Variants in CSMD1 observed in about 807,000 individuals in gnomAD.
CSMD1 encodes CUB and sushi domain-containing protein 1.
In CSMD1, 213 loss-of-function variants were observed where a neutral mutation model predicts 417.5. That is an observed-to-expected ratio of 0.51 (90% CI 0.46 to 0.57). The LOEUF is 0.57. Ranked by LOEUF, CSMD1 falls within the 20% of genes least tolerant of loss-of-function variation. CSMD1 has a pLI of 0.00. For synonymous variants in CSMD1, 2,862 were observed against 1,736.8 expected (o/e 1.65, Z -16.11); for missense variants, 6,923 against 4,529.7 (o/e 1.53, Z -15.17).
intron 7 of CSMD1, among the ~76,000 whole-genome samples, chr8:3,636,091 T>C (rs1389359554): frequency 6.6e-6 from 1 of 152,214 alleles, no homozygotes; most frequent in Non-Finnish European, 1.5e-5. Flanking sequence ...TTTGTACTTT[T>C]TGAAGTTTTG....
rs140741443 is a variant in CSMD1, at chr8:3,429,444, G to A, written c.1562-19839C>T. ...GTGACCCAAGGGAAATGGAAGCCAT[G>A]TCCAAAGCAACACTTGTACACAGAT... On this transcript the variant is annotated intron_variant, in intron 12 of 69. Coordinates refer to ENST00000635120, the MANE Select transcript of CSMD1 (RefSeq NM_033225.6). 3.8e-4 allele frequency among the ~76,000 whole-genome samples: 58 copies of A among 152,286 alleles called. 1 individual carries two copies. Among genetic ancestry groups the A allele is most frequent in the Middle Eastern group, 3.4e-3 (1 of 294 alleles).
chr8:4,789,178 T>G (rs1393315192), intron 1 of CSMD1, among the ~76,000 whole-genome samples: 3 of 152,244 alleles, frequency 2.0e-5, no homozygotes, highest in Non-Finnish European at 4.4e-5. Context: ...ATGAATGCTT[T>G]GTGCTTAGAA....
At chr8:3,291,168 A>T (rs1341097916) in intron 25 of CSMD1, among the ~76,000 whole-genome samples, 1 of 152,214 alleles carries the variant, frequency 6.6e-6, no homozygotes, top group Non-Finnish European at 1.5e-5. Flanking sequence ...CATCCCAGGG[A>T]TGAAACCCAC....
intron 5 of CSMD1, among the ~76,000 whole-genome samples, chr8:3,989,336 T>C (rs1288229961): frequency 6.6e-6 from 1 of 152,206 alleles, no homozygotes; most frequent in East Asian, 1.9e-4. Context: ...GAATCAGTCA[T>C]CTTGGCTTAG....
intron 4 of CSMD1, among the ~76,000 whole-genome samples, chr8:4,027,250 G>C (rs1296941522): frequency 6.6e-6 from 1 of 152,180 alleles, no homozygotes; most frequent in Non-Finnish European, 1.5e-5. Flanking sequence ...TAGTTTGGCT[G>C]ATAAAAGAAA....
chr8:4,942,935 T>C (rs889012510), intron 1 of CSMD1, among the ~76,000 whole-genome samples: 1 of 152,182 alleles, frequency 6.6e-6, no homozygotes, highest in African/African-American at 2.4e-5. Flanking sequence ...AGGTTATAGA[T>C]GATGGGTGTG....
At position 4,080,106 on chromosome 8, in the gene CSMD1, C is replaced by T. The variant is rs569948148; in HGVS notation, c.416-48007G>A. 1.6e-4 allele frequency among the ~76,000 whole-genome samples: 24 copies of T among 151,820 alleles called. No individual in the cohort carries two copies. The South Asian group carries it at 3.7e-3, about 24-fold the overall frequency. Reference sequence around the variant, plus strand: ...TGTCTCCATGTTTGTGTTCCTCACTCGTTCCATGTATACACCCCCATAGGT... The same window carrying T: ...TGTCTCCATGTTTGTGTTCCTCACTTGTTCCATGTATACACCCCCATAGGT... On this transcript the variant is annotated intron_variant, in intron 3 of 69. Coordinates refer to ENST00000635120, the MANE Select transcript of CSMD1 (RefSeq NM_033225.6).
chr8:3,532,013 C>T (rs1290579227), intron 10 of CSMD1, among the ~76,000 whole-genome samples: 6 of 152,314 alleles, frequency 3.9e-5, no homozygotes, highest in African/African-American at 1.4e-4. Flanking sequence ...AGATGGCACA[C>T]CTGGTCCTAA....
In CSMD1 at chr8:4,686,652, T is replaced by C. The variant is rs187830653; in HGVS notation, c.86-49094A>G. On this transcript the variant is annotated intron_variant, in intron 1 of 69. Transcript: ENST00000635120. ...CAAAGCCATAAGTGAAATATACAAG[T>C]TGACCTGTTGCTCTGGGTTTTCATT... Among the ~76,000 whole-genome samples the C allele has an allele frequency of 4.6e-5, 7 of 152,342 alleles. No homozygotes were observed. The East Asian group carries it at 9.6e-4, about 21-fold the overall frequency.
At chr8:3,559,564 G>C (rs1053075342) in intron 10 of CSMD1, among the ~76,000 whole-genome samples, 9 of 152,114 alleles carry the variant, frequency 5.9e-5, no homozygotes, top group African/African-American at 1.2e-4. Flanking sequence ...TTGGGTTTTT[G>C]TGTTTATAAA....
chr8:3,534,909 C>G (rs1288947654), intron 10 of CSMD1, among the ~76,000 whole-genome samples: 1 of 152,140 alleles, frequency 6.6e-6, no homozygotes, highest in Non-Finnish European at 1.5e-5. Context: ...GTCCAGAATT[C>G]AAGTAAAAGA....
chr8:3,584,107 A>G, intron 9 of CSMD1, among the ~76,000 whole-genome samples: 1 of 152,194 alleles, frequency 6.6e-6, no homozygotes, highest in South Asian at 2.1e-4. Flanking sequence ...ATACATTTTT[A>G]CTTCTTACTA....
At chr8:3,112,524 T>C (rs926162822) in intron 42 of CSMD1, among the ~76,000 whole-genome samples, 4 of 152,202 alleles carry the variant, frequency 2.6e-5, no homozygotes, top group Non-Finnish European at 4.4e-5. Context: ...CTCTATAACA[T>C]TGAGCAAGTC....
intron 6 of CSMD1, among the ~76,000 whole-genome samples, chr8:3,745,976 C>T (rs1797048273): frequency 6.6e-6 from 1 of 152,204 alleles, no homozygotes. Flanking sequence ...AATGTAAATG[C>T]TGAAGACTTT....
At chr8:4,744,096 G>C (rs949955954) in intron 1 of CSMD1, among the ~76,000 whole-genome samples, 1 of 152,186 alleles carries the variant, frequency 6.6e-6, no homozygotes, top group African/African-American at 2.4e-5. Flanking sequence ...GTATGAGCAG[G>C]AGCTAATACA....
chr8:4,281,000 T>G lies in CSMD1; in HGVS notation c.415+138953A>C, dbSNP rs915802441. On this transcript the variant is annotated intron_variant, in intron 3 of 69. Transcript: ENST00000635120. ...ATAGAATAAAGTAGTGGTTTTTAAATGTATTAAAATTAAGTGAGTTTTAAA... is the reference window on the plus strand; with the variant it reads ...ATAGAATAAAGTAGTGGTTTTTAAAGGTATTAAAATTAAGTGAGTTTTAAA... Among the ~76,000 whole-genome samples the G allele has an allele frequency of 1.2e-4, 19 of 152,156 alleles. 1 individual carries two copies. Among genetic ancestry groups the G allele is most frequent in the African/African-American group, 4.6e-4 (19 of 41,438 alleles).
At chr8:3,675,689 G>A (rs561056133) in intron 7 of CSMD1, among the ~76,000 whole-genome samples, 1 of 152,284 alleles carries the variant, frequency 6.6e-6, no homozygotes, top group Non-Finnish European at 1.5e-5. Flanking sequence ...CTGCAAACCA[G>A]GAAACGGGTC....
chr8:4,218,350 T>G (rs1800809663), intron 3 of CSMD1, among the ~76,000 whole-genome samples: 1 of 152,210 alleles, frequency 6.6e-6, no homozygotes, highest in Non-Finnish European at 1.5e-5. Context: ...AAACTGTTGA[T>G]TTTGTTTGGT....
intron 2 of CSMD1, among the ~76,000 whole-genome samples, chr8:4,570,362 C>G (rs929866435): frequency 6.6e-6 from 1 of 152,128 alleles, no homozygotes; most frequent in African/African-American, 2.4e-5. Context: ...TGAATTTTAT[C>G]GAAGGCCCTG....
Sources: gnomAD v4.1 joint callset for allele counts (sites outside exome capture counted in the v4.1 genomes callset) on GRCh38, gnomAD v4.1.1 for gene constraint, MANE v1.5 for transcripts, NCBI Gene and HGNC (gene_info 2026-07-23, HGNC 2026-07-21) for gene names.